Variants in BLMH observed in about 807,000 individuals in gnomAD.
BLMH encodes the protein BLM hydrolase.
A neutral mutation model predicts 61.6 loss-of-function variants in BLMH; 32 were observed. The observed-to-expected ratio is 0.52, with a 90% confidence interval of 0.39 to 0.70. BLMH has a LOEUF of 0.70. Among genes scored for constraint, BLMH ranks in the 30% least tolerant of loss-of-function variants. BLMH has a pLI of 0.00. For synonymous variants in BLMH, 183 were observed against 193.8 expected (o/e 0.94, Z 0.46); for missense variants, 460 against 555.5 (o/e 0.83, Z 1.73).
chr17:30,249,161 C>A lies in BLMH; in HGVS notation c.1224G>T (p.Leu408=). 1 of 1,614,078 alleles carries A rather than the reference C, an allele frequency of 6.2e-7. No homozygotes were observed. Among genetic ancestry groups the A allele is most frequent in the Non-Finnish European group, 8.5e-7 (1 of 1,179,948 alleles). The change falls in exon 12 of 12, where the codon CTG becomes CTT. Residue 408 remains leucine, a synonymous_variant. Coordinates refer to ENST00000261714, the MANE Select transcript of BLMH (RefSeq NM_000386.4). ...WGEDHGHKGY[L]CMTDEWFSEY... ...CAGAGAACCACTCATCTGTCATGCACAGGTAACCTGGAGAAAAGAACAGAA... is the reference window on the plus strand; with the variant it reads ...CAGAGAACCACTCATCTGTCATGCAAAGGTAACCTGGAGAAAAGAACAGAA...
chr17:30,284,826 A>G (rs1024660766), intron 6 of BLMH, among the ~76,000 whole-genome samples: 8 of 150,344 alleles, frequency 5.3e-5, no homozygotes, highest in African/African-American at 1.9e-4. Flanking sequence ...TGTTTCAGCC[A>G]CATGATTCCC....
intron 6 of BLMH, among the ~76,000 whole-genome samples, chr17:30,279,198 A>C (rs1293577279): frequency 2.0e-5 from 3 of 152,210 alleles, no homozygotes; most frequent in African/African-American, 7.2e-5. Context: ...GAAGCCAATG[A>C]TTCTAATTAT....
intron 11 of BLMH, among the ~76,000 whole-genome samples, chr17:30,253,515 T>TG (rs774373713): frequency 1.2e-4 from 18 of 152,274 alleles, no homozygotes; most frequent in Non-Finnish European, 1.8e-4. Context: ...CTGTGTGTCT[T>TG]GGAGTTTGAC....
intron 11 of BLMH, among the ~76,000 whole-genome samples, chr17:30,252,783 G>A (rs957450225): frequency 2.6e-5 from 4 of 151,998 alleles, no homozygotes; most frequent in Admixed American, 2.0e-4. Context: ...TTCAATAGAC[G>A]AGAGACGGAA....
At position 30,287,350 on chromosome 17, in the gene BLMH, T is replaced by C. The variant is rs185280366; in HGVS notation, c.464-448A>G. Among the ~76,000 whole-genome samples the C allele has an allele frequency of 1.9e-4, 29 of 152,326 alleles. No individual in the cohort carries two copies. The East Asian group carries it at 3.3e-3, about 17-fold the overall frequency. Reference sequence around the variant, plus strand: ...CCTAAGTAGGTTTTTAATGTGCATATTTATCTGTCTATGTTATCCTTTTTA... The same window carrying C: ...CCTAAGTAGGTTTTTAATGTGCATACTTATCTGTCTATGTTATCCTTTTTA... On this transcript the variant is annotated intron_variant, in intron 4 of 11. Coordinates refer to ENST00000261714, the MANE Select transcript of BLMH (RefSeq NM_000386.4).
At chr17:30,288,526 T>C (rs1170915424) in intron 3 of BLMH, among the ~76,000 whole-genome samples, 1 of 152,038 alleles carries the variant, frequency 6.6e-6, no homozygotes, top group Non-Finnish European at 1.5e-5. Context: ...ATTTTTGTAT[T>C]TTTTGTAGAG....
chr17:30,272,947 C>G (rs1345877056), intron 7 of BLMH, 48 bp from the exon 8 acceptor site: 8 of 1,589,346 alleles, frequency 5.0e-6, no homozygotes, highest in African/African-American at 1.3e-5. Flanking sequence ...CCAGGAATGT[C>G]AAGCAACACA....
chr17:30,252,650 G>A (rs1232037346), intron 11 of BLMH, among the ~76,000 whole-genome samples: 2 of 152,124 alleles, frequency 1.3e-5, no homozygotes, highest in East Asian at 3.9e-4. Context: ...CCCTGTCTTG[G>A]GGGTGGGAAT....
In BLMH at chr17:30,287,689, A is replaced by G. The variant is rs763448423; in HGVS notation, c.463+117T>C. ...TAAAGGTCCTTAGAAATAACTATAT[A>G]TCCTTCTTGGAGACCAATTCTACTC... On this transcript the variant is annotated intron_variant, in intron 4 of 11. Coordinates refer to ENST00000261714, the MANE Select transcript of BLMH (RefSeq NM_000386.4). 11 of 1,196,548 alleles carry G rather than the reference A, an allele frequency of 9.2e-6. No individual in the cohort carries two copies. The East Asian group carries it at 1.0e-4, about 11-fold the overall frequency. The allele number at this position is 1,196,548 out of a possible 1,614,324, so 74.1% of individuals were successfully genotyped here. A position where few individuals can be genotyped will look rare whatever the true frequency, so the allele number is the denominator to read the frequency against.
chr17:30,275,061 A>T (rs1908381831), intron 6 of BLMH, among the ~76,000 whole-genome samples: 1 of 149,362 alleles, frequency 6.7e-6, no homozygotes, highest in Non-Finnish European at 1.5e-5. Flanking sequence ...AAAAAAAAGT[A>T]CAAAAACTAG....
At chr17:30,276,550 C>T (rs946546698) in intron 6 of BLMH, among the ~76,000 whole-genome samples, 1 of 152,162 alleles carries the variant, frequency 6.6e-6, no homozygotes, top group African/African-American at 2.4e-5. Context: ...GACACAGATA[C>T]ACCAGTTGAT....
chr17:30,275,977 G>A (rs944619541), intron 6 of BLMH, among the ~76,000 whole-genome samples: 32 of 151,818 alleles, frequency 2.1e-4, no homozygotes, highest in African/African-American at 7.2e-4. Context: ...CTAGGTCCAC[G>A]TAATTCTCAT....
chr17:30,281,943 C>T (rs1458901000), intron 6 of BLMH, among the ~76,000 whole-genome samples: 3 of 152,138 alleles, frequency 2.0e-5, no homozygotes, highest in Non-Finnish European at 4.4e-5. Flanking sequence ...TAGGCCTATC[C>T]TATATATTGT....
intron 11 of BLMH, among the ~76,000 whole-genome samples, chr17:30,252,533 C>CAAAAAAAA (rs34594289): frequency 1.5e-5 from 1 of 66,390 alleles, no homozygotes. Flanking sequence ...CCCATCCTCA[C>CAAAAAAAA]AAAAAAAAAA....
chr17:30,252,469 G>A (rs1907693173), intron 11 of BLMH, among the ~76,000 whole-genome samples: 2 of 149,518 alleles, frequency 1.3e-5, no homozygotes, highest in Admixed American at 1.3e-4. Context: ...GGCCGAGGCA[G>A]GTGGATTGCT....
chr17:30,256,661 A>G (rs908671866), intron 11 of BLMH, among the ~76,000 whole-genome samples: 1 of 152,026 alleles, frequency 6.6e-6, no homozygotes, highest in African/African-American at 2.4e-5. Flanking sequence ...CAAATTTATC[A>G]ATCTTTTTCT....
At position 30,261,888 on chromosome 17, in the gene BLMH, C is replaced by CT. The variant is rs1173021733; in HGVS notation, c.1216+4996_1216+4997insA. Reference sequence around the variant, plus strand: ...ATGCCAAAGTATCTTTAACTGAAACCATTTAGAGGCTCCTTTCTAGAAGGA... The same window carrying CT: ...ATGCCAAAGTATCTTTAACTGAAACCTATTTAGAGGCTCCTTTCTAGAAGGA... On this transcript the variant is annotated intron_variant, in intron 11 of 11. Coordinates refer to ENST00000261714, the MANE Select transcript of BLMH (RefSeq NM_000386.4). 6.6e-5 allele frequency among the ~76,000 whole-genome samples: 10 copies of CT among 152,266 alleles called. No individual in the cohort carries two copies. In the East Asian group the frequency reaches 1.9e-3, roughly 29 times the overall value.
At chr17:30,270,801 A>G (rs943848543) in intron 10 of BLMH, among the ~76,000 whole-genome samples, 2 of 152,238 alleles carry the variant, frequency 1.3e-5, no homozygotes, top group Non-Finnish European at 2.9e-5. Flanking sequence ...CTTTACATCC[A>G]ATTTCCTGAA....
At chr17:30,256,734 A>C (rs1279686425) in intron 11 of BLMH, among the ~76,000 whole-genome samples, 5 of 151,906 alleles carry the variant, frequency 3.3e-5, no homozygotes, top group East Asian at 1.9e-4. Flanking sequence ...AAAAAAAAAA[A>C]CAAAAAAAAA....
Sources: gnomAD v4.1 joint callset for allele counts (sites outside exome capture counted in the v4.1 genomes callset) on GRCh38, gnomAD v4.1.1 for gene constraint, MANE v1.5 for transcripts, NCBI Gene and HGNC (gene_info 2026-07-23, HGNC 2026-07-21) for gene names.